The following CRTAM variants were observed in gnomAD, a reference collection of about 807,000 sequenced individuals.
CRTAM encodes the protein cytotoxic and regulatory T-cell molecule.
In CRTAM, 44 loss-of-function variants were observed where a neutral mutation model predicts 50.0. The observed-to-expected ratio is 0.88, with a 90% CI of 0.69 to 1.13. The LOEUF (loss-of-function observed/expected upper bound fraction) is 1.13, where lower values mean the gene tolerates loss of function less well. CRTAM is among the 50% of genes most tolerant of loss of function. The pLI is 0.00. For missense variants in CRTAM, 448 were observed against 457.5 expected, an observed-to-expected ratio of 0.98 and a Z score of 0.19; for synonymous variants, 159 against 169.3, an observed-to-expected ratio of 0.94 and a Z score of 0.47.
At chr11:122,860,343 C>T (rs1862055610) in intron 5 of CRTAM, among the ~76,000 whole-genome samples, 1 of 152,048 alleles carries the variant, frequency 6.6e-6, no homozygotes, top group Non-Finnish European at 1.5e-5. Context: ...AGCCACTGCA[C>T]CTGGCCTAAA....
chr11:122,864,589 T>G, intron 6 of CRTAM, 47 bp from the exon 7 acceptor site: 1 of 1,340,208 alleles, frequency 7.5e-7, no homozygotes, highest in Non-Finnish European at 1.1e-6. Flanking sequence ...TGTAGTCACA[T>G]GTATATAATG....
At chr11:122,838,930 T>C (rs1407273010) in intron 1 of CRTAM, among the ~76,000 whole-genome samples, 1 of 151,990 alleles carries the variant, frequency 6.6e-6, no homozygotes, top group Non-Finnish European at 1.5e-5. Context: ...TTTTATTTTA[T>C]TTATTTATTT....
intron 5 of CRTAM, among the ~76,000 whole-genome samples, chr11:122,860,194 C>T (rs569166954): frequency 6.6e-6 from 1 of 152,104 alleles, no homozygotes; most frequent in Admixed American, 6.5e-5. Flanking sequence ...ATTATAGGTG[C>T]CCACCACCAT....
intron 8 of CRTAM, 94 bp downstream of exon 8, chr11:122,867,649 C>A: frequency 8.0e-7 from 1 of 1,250,308 alleles, no homozygotes; most frequent in Non-Finnish European, 1.1e-6. Flanking sequence ...TTCTGTCAGA[C>A]ACTACATAAT....
intron 1 of CRTAM, among the ~76,000 whole-genome samples, chr11:122,848,294 T>A (rs1384056937): frequency 6.6e-6 from 1 of 152,164 alleles, no homozygotes; most frequent in Non-Finnish European, 1.5e-5. Context: ...TCAGCAAAAA[T>A]CCCTTAGAAG....
intron 3 of CRTAM, among the ~76,000 whole-genome samples, chr11:122,853,411 C>G (rs138103152): frequency 1.3e-5 from 2 of 151,756 alleles, no homozygotes; most frequent in African/African-American, 4.8e-5. Flanking sequence ...ATTGCTTGTT[C>G]GGGAATTTTC....
chr11:122,843,483 G>T (rs1648410215), intron 1 of CRTAM, among the ~76,000 whole-genome samples: 1 of 152,206 alleles, frequency 6.6e-6, no homozygotes. Context: ...AGGTCTGTAT[G>T]TTCAGCATGT....
chr11:122,841,315 G>T (rs1197430791), intron 1 of CRTAM, among the ~76,000 whole-genome samples: 1 of 151,958 alleles, frequency 6.6e-6, no homozygotes, highest in Non-Finnish European at 1.5e-5. Flanking sequence ...CTTTAACTTA[G>T]CCCTAGTCTT....
intron 8 of CRTAM, 97 bp from the exon 9 acceptor site, chr11:122,867,916 A>T: frequency 1.4e-6 from 1 of 734,720 alleles, no homozygotes; most frequent in Non-Finnish European, 2.3e-6. Flanking sequence ...TGGTAAGTCT[A>T]CTATTGCACA....
intron 1 of CRTAM, among the ~76,000 whole-genome samples, chr11:122,840,194 T>C (rs924956739): frequency 2.0e-5 from 3 of 152,138 alleles, no homozygotes; most frequent in Non-Finnish European, 4.4e-5. Context: ...TTAAATATTA[T>C]TTATATAGAG....
intron 6 of CRTAM, among the ~76,000 whole-genome samples, chr11:122,863,915 C>T (rs866244802): frequency 5.3e-5 from 8 of 151,850 alleles, no homozygotes; most frequent in Middle Eastern, 3.4e-3. Context: ...CACATAGTGG[C>T]GCTGTGCAAT....
intron 9 of CRTAM, 80 bp from the exon 10 acceptor site, chr11:122,871,189 T>C: frequency 7.7e-7 from 1 of 1,296,680 alleles, no homozygotes. Flanking sequence ...AAAAATATGA[T>C]ATCCAATCAA....
intron 9 of CRTAM, 87 bp downstream of exon 9, chr11:122,868,186 ATATGTGTGTGTGTGTG>A: frequency 3.2e-6 from 2 of 631,054 alleles, no homozygotes; most frequent in Admixed American, 2.4e-5. Context: ...AGACAACAGA[ATATGTGTGTGTGTGTG>A]TGTGTGTGTG....
intron 1 of CRTAM, among the ~76,000 whole-genome samples, chr11:122,839,825 G>A (rs376517627): frequency 6.6e-6 from 1 of 152,092 alleles, no homozygotes; most frequent in African/African-American, 2.4e-5. Context: ...TCTGAAGGAC[G>A]CTACTTTAAA....
chr11:122,839,237 G>A (rs746839779), intron 1 of CRTAM, among the ~76,000 whole-genome samples: 3 of 152,258 alleles, frequency 2.0e-5, no homozygotes, highest in East Asian at 3.9e-4. Flanking sequence ...CGGCCTCCAC[G>A]TTGAATTTTA....
At chr11:122,843,049 T>C (rs1053070985) in intron 1 of CRTAM, among the ~76,000 whole-genome samples, 1 of 152,162 alleles carries the variant, frequency 6.6e-6, no homozygotes, top group African/African-American at 2.4e-5. Flanking sequence ...TAGTCTATAG[T>C]AGAGGTAAAG....
rs1466940137 is a variant in CRTAM, at chr11:122,850,115, C to G, written c.94C>G (p.Gln32Glu). ...HTETITVEEG[Q>E]TLTLKCVTSL... ...AGAAACCATCACCGTGGAGGAAGGC[C>G]AGACGCTCACTCTAAAGTGTGTCAC... is the stretch of plus-strand genomic sequence containing the variant. Residue 32 changes from glutamine (Q) to glutamate (E), a missense_variant, in exon 2 of 10, where the codon CAG (glutamine) becomes GAG (glutamate). Transcript: ENST00000227348. The G allele has an allele frequency of 1.9e-6, 3 of 1,613,360 alleles. No homozygotes were observed. Among genetic ancestry groups the G allele is most frequent in the African/African-American group, 2.7e-5 (2 of 74,916 alleles).
chr11:122,850,275 G>T, intron 2 of CRTAM, 61 bp downstream of exon 2: 2 of 1,488,902 alleles, frequency 1.3e-6, no homozygotes, highest in East Asian at 2.3e-5. Flanking sequence ...TTTTCCAGCC[G>T]GACAGTTTGG....
chr11:122,871,136 G>A (rs1862247116), intron 9 of CRTAM, 133 bp from the exon 10 acceptor site: 2 of 783,992 alleles, frequency 2.6e-6, no homozygotes, highest in Non-Finnish European at 4.0e-6. Context: ...CCATTTATAT[G>A]CATCAGTAAG....
Sources: gnomAD v4.1 joint callset for allele counts (sites outside exome capture counted in the v4.1 genomes callset) on GRCh38, gnomAD v4.1.1 for gene constraint, MANE v1.5 for transcripts, NCBI Gene and HGNC (gene_info 2026-07-23, HGNC 2026-07-21) for gene names.